The following DIAPH3 variants were observed in gnomAD, a reference collection of about 807,000 sequenced individuals.
The protein encoded by DIAPH3 is diaphanous related formin 3.
In DIAPH3, 117 loss-of-function variants were observed where a neutral mutation model predicts 144.3. The observed-to-expected ratio is 0.81, with a 90% CI of 0.70 to 0.95. The LOEUF is 0.95. Ranked by LOEUF, DIAPH3 falls within the 40% of genes least tolerant of loss-of-function variation. The pLI is 0.00. For synonymous variants in DIAPH3, 519 were observed against 488.9 expected (o/e 1.06, Z -0.81); for missense variants, 1,421 against 1,412.7 (o/e 1.01, Z -0.09).
chr13:59,977,356 C>T (rs945607027), intron 14 of DIAPH3, among the ~76,000 whole-genome samples: 11 of 151,512 alleles, frequency 7.3e-5, no homozygotes, highest in African/African-American at 2.7e-4. Flanking sequence ...GTAAGGGGCA[C>T]AAAAAGAGGT....
intron 17 of DIAPH3, among the ~76,000 whole-genome samples, chr13:59,957,997 G>T (rs1174020382): frequency 6.6e-6 from 1 of 152,160 alleles, no homozygotes; most frequent in Non-Finnish European, 1.5e-5. Context: ...GCTTCAGGAA[G>T]AATGAGTCTA....
intron 2 of DIAPH3, among the ~76,000 whole-genome samples, chr13:60,120,428 C>T (rs922657410): frequency 2.0e-5 from 3 of 152,172 alleles, no homozygotes; most frequent in African/African-American, 7.2e-5. Context: ...GCTTCTTCAC[C>T]TCTTAATTTG....
intron 20 of DIAPH3, among the ~76,000 whole-genome samples, chr13:59,885,941 T>C (rs745817550): frequency 2.1e-4 from 32 of 152,072 alleles, no homozygotes; most frequent in Non-Finnish European, 4.0e-4. Flanking sequence ...ATCTCTGTTG[T>C]TTTAAGCCAC....
chr13:59,944,895 AGGCTCATAACT>A (rs1406282170), intron 17 of DIAPH3, among the ~76,000 whole-genome samples: 1 of 152,048 alleles, frequency 6.6e-6, no homozygotes, highest in Non-Finnish European at 1.5e-5. Flanking sequence ...CAATCTTTCC[AGGCTCATAACT>A]GGCCACTAAC....
intron 20 of DIAPH3, among the ~76,000 whole-genome samples, chr13:59,897,857 C>T (rs560008899): frequency 5.3e-5 from 8 of 151,586 alleles, no homozygotes; most frequent in Non-Finnish European, 7.4e-5. Flanking sequence ...GAAGGCTGGG[C>T]GTGGTGGCTC....
chr13:60,099,973 A>AAGGT (rs1386655804), intron 3 of DIAPH3, among the ~76,000 whole-genome samples: 2 of 150,376 alleles, frequency 1.3e-5, no homozygotes, highest in African/African-American at 4.9e-5. Flanking sequence ...GGAAGGAAGG[A>AAGGT]AAGTCAAAAG....
chr13:60,020,941 A>C (rs1412722014), intron 5 of DIAPH3: 2 of 152,246 alleles, frequency 1.3e-5, no homozygotes, highest in Non-Finnish European at 2.9e-5. Flanking sequence ...GCACAAAGAC[A>C]TTAAATGTAA....
chr13:59,931,060 G>A (rs1394417704), intron 17 of DIAPH3, among the ~76,000 whole-genome samples: 1 of 152,040 alleles, frequency 6.6e-6, no homozygotes, highest in Non-Finnish European at 1.5e-5. Flanking sequence ...TGACATATAC[G>A]TGCCTACCTC....
chr13:59,732,755 GATAT>G (rs564818354), intron 27 of DIAPH3, among the ~76,000 whole-genome samples: 9 of 151,912 alleles, frequency 5.9e-5, no homozygotes, highest in African/African-American at 2.2e-4. Context: ...TGGCCTGATA[GATAT>G]ATATATATCT....
chr13:59,919,237 T>C (rs968475705), intron 18 of DIAPH3, among the ~76,000 whole-genome samples: 10 of 152,094 alleles, frequency 6.6e-5, no homozygotes, highest in Non-Finnish European at 1.5e-4. Context: ...GATAACATTG[T>C]AGAAAACTTA....
At chr13:60,106,822 T>C (rs1287618697) in intron 3 of DIAPH3, among the ~76,000 whole-genome samples, 2 of 152,172 alleles carry the variant, frequency 1.3e-5, no homozygotes, top group Non-Finnish European at 2.9e-5. Context: ...TAGTATGAGA[T>C]ATGCTGTTTA....
At chr13:59,984,404 G>T (rs2051248016) in intron 12 of DIAPH3, among the ~76,000 whole-genome samples, 1 of 151,484 alleles carries the variant, frequency 6.6e-6, no homozygotes, top group Non-Finnish European at 1.5e-5. Context: ...TTACTCAAAG[G>T]GAAATAGAAA....
intron 17 of DIAPH3, among the ~76,000 whole-genome samples, chr13:59,932,256 A>G (rs1206858529): frequency 6.6e-6 from 1 of 152,150 alleles, no homozygotes; most frequent in African/African-American, 2.4e-5. Context: ...GTCTACCTAA[A>G]GAAAAACGTC....
chr13:60,150,048 A>G (rs1951712937), intron 1 of DIAPH3, among the ~76,000 whole-genome samples: 1 of 152,064 alleles, frequency 6.6e-6, no homozygotes, highest in Non-Finnish European at 1.5e-5. Flanking sequence ...TTGAGACAGG[A>G]TCCCGCTCTG....
intron 22 of DIAPH3, among the ~76,000 whole-genome samples, chr13:59,854,043 T>G (rs183758147): frequency 6.6e-6 from 1 of 152,210 alleles, no homozygotes; most frequent in African/African-American, 2.4e-5. Flanking sequence ...TTAAGGATCT[T>G]GAGATGAAAT....
chr13:60,007,473 T>TA (rs890827887), intron 9 of DIAPH3, among the ~76,000 whole-genome samples: 7 of 151,492 alleles, frequency 4.6e-5, no homozygotes, highest in South Asian at 2.1e-4. Flanking sequence ...CCAGAACCTT[T>TA]AAAAAAAAAC....
intron 27 of DIAPH3, among the ~76,000 whole-genome samples, chr13:59,727,355 C>T (rs2035654205): frequency 6.6e-6 from 1 of 152,184 alleles, no homozygotes; most frequent in African/African-American, 2.4e-5. Flanking sequence ...GGCTGATCCA[C>T]AATCTGTCTT....
intron 4 of DIAPH3, among the ~76,000 whole-genome samples, chr13:60,090,984 C>G (rs1170953598): frequency 6.6e-6 from 1 of 152,172 alleles, no homozygotes; most frequent in Non-Finnish European, 1.5e-5. Context: ...TGAAATAGAT[C>G]CACATAACAA....
intron 20 of DIAPH3, among the ~76,000 whole-genome samples, chr13:59,882,917 C>G (rs1445484280): frequency 6.6e-6 from 1 of 151,100 alleles, no homozygotes; most frequent in Non-Finnish European, 1.5e-5. Context: ...CTCCTGTAAC[C>G]CCCCCACACA....
Sources: gnomAD v4.1 joint callset for allele counts (sites outside exome capture counted in the v4.1 genomes callset) on GRCh38, gnomAD v4.1.1 for gene constraint, MANE v1.5 for transcripts, NCBI Gene and HGNC (gene_info 2026-07-23, HGNC 2026-07-21) for gene names.